KCNH2: variants seen among roughly 807,000 people sequenced by gnomAD.
The protein encoded by KCNH2 is potassium voltage-gated channel subfamily H member 2, also known as voltage-gated inwardly rectifying potassium channel KCNH2.
KCNH2 carries 35 observed loss-of-function variants against 95.9 expected under a neutral mutation model. That is an observed-to-expected ratio of 0.37 (90% CI 0.28 to 0.48). KCNH2 has a LOEUF of 0.48. Among genes scored for constraint, KCNH2 ranks in the 20% least tolerant of loss-of-function variants. The pLI is 0.99. For missense variants in KCNH2, 1,274 were observed against 1,702.9 expected, an observed-to-expected ratio of 0.75 and a Z score of 4.43; for synonymous variants, 786 against 754.7, an observed-to-expected ratio of 1.04 and a Z score of -0.68.
chr7:150,959,422 T>C, intron 3 of KCNH2, 150 bp downstream of exon 3: 1 of 843,756 alleles, frequency 1.2e-6, no homozygotes, highest in Non-Finnish European at 1.8e-6. Flanking sequence ...ATCCTCAGGG[T>C]ACAGGGTTCA....
At chr7:150,948,669 C>G (rs1412865424) in intron 10 of KCNH2, 126 bp from the exon 11 acceptor site, 1 of 1,106,686 alleles carries the variant, frequency 9.0e-7, no homozygotes, top group African/African-American at 1.6e-5. Flanking sequence ...AAACCCTTCC[C>G]TGCCCCCAAT....
At position 150,947,436 on chromosome 7, in the gene KCNH2, C is replaced by T. The variant is rs1290300549; in HGVS notation, c.3044G>A (p.Cys1015Tyr). The change falls in exon 13 of 15, where the codon TGC (cysteine) becomes TAC (tyrosine). Residue 1015 changes from cysteine (C) to tyrosine (Y), a missense_variant. Around this residue, in one of 7 missense-constraint regions of KCNH2, gnomAD observed 457 missense variants for 416.1 expected, o/e 1.10. Coordinates refer to ENST00000262186, the MANE Select transcript of KCNH2 (RefSeq NM_000238.4). ...RGRQYQELPRCPAPTPSLLNI... is the reference protein window; with the variant it reads ...RGRQYQELPRYPAPTPSLLNI... ...GAGGAGGCTGGGGGTGGGGGCGGGG[C>T]ATCGAGGGAGCTCCTGGTACTGGCG... is the stretch of plus-strand genomic sequence containing the variant. 3 of 1,559,498 alleles carry T rather than the reference C, an allele frequency of 1.9e-6. No homozygotes were observed. Among genetic ancestry groups the T allele is most frequent in the Non-Finnish European group, 2.6e-6 (3 of 1,152,102 alleles).
intron 2 of KCNH2, among the ~76,000 whole-genome samples, chr7:150,970,846 T>A (rs1801823472): frequency 6.6e-6 from 1 of 152,150 alleles, no homozygotes; most frequent in South Asian, 2.1e-4. Flanking sequence ...CTAAGCCCCA[T>A]CCTCTGGGAT....
In KCNH2 at chr7:150,974,766, C is replaced by T. The variant is rs770232755; in HGVS notation, c.252G>A (p.Gln84=). ...TGCGCTCCTCGGCGCCCAGCAGTGC[C>T]TGCGCGATCTGCGCGGCAGCGCGGC... ...TQRRAAAQIA[Q]ALLGAEERKV... The change falls in exon 2 of 15, where the codon CAG becomes CAA. Residue 84 remains glutamine, a synonymous_variant. Coordinates refer to ENST00000262186, the MANE Select transcript of KCNH2 (RefSeq NM_000238.4). The T allele has an allele frequency of 1.2e-6, 2 of 1,606,048 alleles. No individual in the cohort carries two copies. The highest frequency in any genetic ancestry group is 1.3e-5 in the African/African-American group (1 of 74,850).
intron 5 of KCNH2, among the ~76,000 whole-genome samples, chr7:150,956,425 G>A (rs1170579502): frequency 6.6e-6 from 1 of 152,162 alleles, no homozygotes; most frequent in Non-Finnish European, 1.5e-5. Flanking sequence ...GGGGCAGGAG[G>A]GAACAGCTTG....
rs1801446337 is a variant in KCNH2 at position 150,958,225 on chromosome 7, C to A, written c.750G>T (p.Ser250=). Residue 250 remains serine, a synonymous_variant, in exon 4 of 15, where the codon TCG becomes TCT. Transcript: ENST00000262186. ...PPRSAPGQLP[S]PRAHSLNPDA... Reference sequence around the variant, plus strand: ...CGGGGTTGAGGCTGTGCGCCCGGGGCGATGGGAGCTGGCCGGGCGCGCTGC... The same window carrying A: ...CGGGGTTGAGGCTGTGCGCCCGGGGAGATGGGAGCTGGCCGGGCGCGCTGC... The A allele has an allele frequency of 2.9e-6, 4 of 1,374,352 alleles. No homozygotes were observed. The highest frequency in any genetic ancestry group is 2.8e-6 in the Non-Finnish European group (3 of 1,067,128). The allele number at this position is 1,374,352 out of a possible 1,614,324, so 85.1% of individuals were successfully genotyped here. A position where few individuals can be genotyped will look rare whatever the true frequency, so the allele number is the denominator to read the frequency against.
At chr7:150,947,958 C>G in intron 11 of KCNH2, 80 bp from the exon 12 acceptor site, 2 of 1,450,728 alleles carry the variant, frequency 1.4e-6, no homozygotes, top group Admixed American at 2.4e-5. Context: ...GGGACAGGAG[C>G]GAGCCCGAGA....
At chr7:150,965,185 G>A (rs1314102854) in intron 2 of KCNH2, among the ~76,000 whole-genome samples, 1 of 152,086 alleles carries the variant, frequency 6.6e-6, no homozygotes, top group East Asian at 1.9e-4. Context: ...CACAGAAGCA[G>A]CATCTCCAGA....
intron 2 of KCNH2, among the ~76,000 whole-genome samples, chr7:150,964,216 C>T (rs1169506256): frequency 6.6e-6 from 1 of 152,212 alleles, no homozygotes; most frequent in Non-Finnish European, 1.5e-5. Flanking sequence ...AGTCTCCGTG[C>T]GCTCCTCCGT....
intron 5 of KCNH2, among the ~76,000 whole-genome samples, chr7:150,954,282 G>T (rs577906392): frequency 1.3e-5 from 2 of 151,234 alleles, no homozygotes; most frequent in Non-Finnish European, 2.9e-5. Flanking sequence ...AAAAAAAAAA[G>T]AAAACACTGG....
intron 2 of KCNH2, among the ~76,000 whole-genome samples, chr7:150,960,386 G>T (rs1801524261): frequency 6.6e-6 from 1 of 152,196 alleles, no homozygotes; most frequent in Admixed American, 6.5e-5. Flanking sequence ...TTTCTCATGA[G>T]TTATAAAGAT....
At position 150,945,183 on chromosome 7, in the gene KCNH2, CCCTCTCA is replaced by C; in HGVS notation, c.*175_*181del. On this transcript the variant is annotated 3_prime_UTR_variant, in exon 15 of 15. Transcript: ENST00000262186. This position sits in a 1 kb window ranked among gnomAD's most constrained non-coding sequence, Gnocchi z 5.6. ...CACCTACTGCCGGCCCTGCCCCTGC[CCCTCTCA>C]CTGGGGCCCAGGGGACTGCAGGAGA... 1 of 681,728 alleles carries C rather than the reference CCCTCTCA, an allele frequency of 1.5e-6. No individual in the cohort carries two copies. Among genetic ancestry groups the C allele is most frequent in the Non-Finnish European group, 2.4e-6 (1 of 413,978 alleles). The allele number at this position is 681,728 out of a possible 1,614,324, so 42.2% of individuals were successfully genotyped here. A position where few individuals can be genotyped will look rare whatever the true frequency, so the allele number is the denominator to read the frequency against.
chr7:150,956,314 G>GCAGGGACCCAGAAAGC (rs1454267821), intron 5 of KCNH2, among the ~76,000 whole-genome samples: 1 of 152,190 alleles, frequency 6.6e-6, no homozygotes, highest in African/African-American at 2.4e-5. Flanking sequence ...TGGAGACCTG[G>GCAGGGACCCAGAAAGC]CAGGGACCCA....
At chr7:150,949,115 C>T in intron 9 of KCNH2, 66 bp from the exon 10 acceptor site, 2 of 1,445,712 alleles carry the variant, frequency 1.4e-6, no homozygotes, top group South Asian at 2.4e-5. Context: ...CAGGCACCTT[C>T]TCCCGGCATC....
intron 5 of KCNH2, chr7:150,955,310 C>T: frequency 7.4e-7 from 1 of 1,354,518 alleles, no homozygotes; most frequent in Non-Finnish European, 1.0e-6. Flanking sequence ...AGCCCTCTCC[C>T]CAGCCTGGAG....
intron 4 of KCNH2, among the ~76,000 whole-genome samples, chr7:150,957,751 G>A (rs41313089): frequency 3.7e-4 from 57 of 152,376 alleles, no homozygotes; most frequent in Middle Eastern, 3.4e-3. Flanking sequence ...CTGGCAGGCA[G>A]GGGGCCAGGT....
chr7:150,970,271 A>AC (rs892674295), intron 2 of KCNH2, among the ~76,000 whole-genome samples: 3 of 124,538 alleles, frequency 2.4e-5, no homozygotes, highest in African/African-American at 6.3e-5. Context: ...CCCCTCACAC[A>AC]CCCCCAAGCT....
intron 2 of KCNH2, among the ~76,000 whole-genome samples, chr7:150,971,707 C>A (rs554090709): frequency 6.6e-6 from 1 of 151,678 alleles, no homozygotes; most frequent in South Asian, 2.1e-4. Context: ...AGAGAGTAAG[C>A]CAGGCAGGCA....
At position 150,950,863 on chromosome 7, in the gene KCNH2, CT is replaced by C. The variant is rs147739629; in HGVS notation, c.2145+57del. On this transcript the variant is annotated intron_variant, in intron 8 of 14. Coordinates refer to ENST00000262186, the MANE Select transcript of KCNH2 (RefSeq NM_000238.4). ...TTGTTTGCTGTGCCAAGAGGTTCCC[CT>C]CTGCCACCCCACTCTTCCCAGCCTG... 4.0e-3 allele frequency: 6,235 copies of C among 1,562,566 alleles called. 29 individuals carry two copies. Among genetic ancestry groups the C allele is most frequent in the South Asian group, 5.5e-3 (494 of 89,690 alleles).
Sources: gnomAD v4.1 joint callset for allele counts (sites outside exome capture counted in the v4.1 genomes callset) on GRCh38, gnomAD v4.1.1 for gene constraint, gnomAD v4.1.1 regional missense constraint, Gnocchi (gnomAD v3.1) non-coding constraint, MANE v1.5 for transcripts, NCBI Gene and HGNC (gene_info 2026-07-23, HGNC 2026-07-21) for gene names.